Variants in FGF13 observed in about 807,000 individuals in gnomAD.
The protein encoded by FGF13 is fibroblast growth factor homologous factor 2.
Under a neutral mutation model 19.5 loss-of-function variants are expected in FGF13, and 2 were observed. That is an observed-to-expected ratio of 0.10 (90% CI 0.04 to 0.32). The LOEUF (loss-of-function observed/expected upper bound fraction) is 0.32. Among genes scored for constraint, FGF13 ranks in the 10% least tolerant of loss-of-function variants. The pLI, the probability that FGF13 is intolerant of heterozygous loss-of-function variation, is 1.00. For synonymous variants in FGF13, 72 were observed against 76.9 expected (o/e 0.94, Z 0.33); for missense variants, 113 against 192.7 (o/e 0.59, Z 2.45).
chrX:138,984,902 G>A (rs2091988621), intron 1 of FGF13: 1 of 275,100 alleles, frequency 3.6e-6, no homozygotes, highest in Admixed American at 4.7e-5. Flanking sequence ...TCATTAAAAT[G>A]AAAATACAAC....
At chrX:138,781,015 C>T in intron 3 of FGF13, among the ~76,000 whole-genome samples, 1 of 111,406 alleles carries the variant, frequency 9.0e-6, no homozygotes, top group East Asian at 2.8e-4. Flanking sequence ...AATAATCGCA[C>T]TCAAAACCGC....
intron 1 of FGF13, among the ~76,000 whole-genome samples, chrX:139,108,784 G>C (rs1041109116): frequency 9.1e-6 from 1 of 110,428 alleles, no homozygotes; most frequent in African/African-American, 3.3e-5. Flanking sequence ...CATCACCAAG[G>C]TATTATATTA....
At chrX:139,118,402 T>C (rs1425266169) in intron 1 of FGF13, among the ~76,000 whole-genome samples, 1 of 111,288 alleles carries the variant, frequency 9.0e-6, no homozygotes, top group Non-Finnish European at 1.9e-5. Context: ...AGTTGAAAAA[T>C]TGTAAGTCAA....
chrX:139,000,724 AG>A (rs1257104222), intron 1 of FGF13, among the ~76,000 whole-genome samples: 8 of 112,344 alleles, frequency 7.1e-5, no homozygotes, highest in African/African-American at 2.6e-4. Context: ...GCTCATGGAT[AG>A]GAAGAATCAA....
rs889015969 is a variant in FGF13, at chrX:138,938,768, G to A, written c.-112-74118C>T. On this transcript the variant is annotated intron_variant, in intron 1 of 2. Coordinates refer to the FGF13 transcript ENST00000421460. ...TTTTTAAATGAAACATCTAAATACA[G>A]ATTGCTCCCCAAGAGATGTTCTGAT... Among the ~76,000 whole-genome samples, 3 of 111,976 alleles carry A rather than the reference G, an allele frequency of 2.7e-5. No individual in the cohort carries two copies. The South Asian group carries it at 1.1e-3, about 41-fold the overall frequency.
chrX:138,692,257 T>C (rs2089845383), intron 3 of FGF13, among the ~76,000 whole-genome samples: 1 of 111,605 alleles, frequency 9.0e-6, no homozygotes, highest in Non-Finnish European at 1.9e-5. Context: ...AACATACTTT[T>C]GCTAGGCTGC....
chrX:139,088,182 G>A (rs988777568), intron 1 of FGF13, among the ~76,000 whole-genome samples: 1 of 112,035 alleles, frequency 8.9e-6, no homozygotes, highest in African/African-American at 3.2e-5. Context: ...CATTTGGAGC[G>A]AATGATCTGA....
chrX:138,830,687 T>TTGTGTGTGTGTGTGTG (rs144759178), intron 3 of FGF13, among the ~76,000 whole-genome samples: 2,537 of 87,460 alleles, frequency 0.029, 58 homozygotes, highest in Admixed American at 0.057. Flanking sequence ...AAAGGGGTGT[T>TTGTGTGTGTGTGTGTG]TGTGTGTGTG....
intron 1 of FGF13, among the ~76,000 whole-genome samples, chrX:138,948,813 G>A (rs1225723750): frequency 1.8e-5 from 2 of 111,754 alleles, no homozygotes; most frequent in Non-Finnish European, 3.8e-5. Flanking sequence ...AGCACATTTT[G>A]TTTTATTGTG....
chrX:139,013,573 G>A (rs745343664), intron 1 of FGF13, among the ~76,000 whole-genome samples: 20 of 98,009 alleles, frequency 2.0e-4, no homozygotes, highest in Non-Finnish European at 3.6e-4. Context: ...TGAAATATTG[G>A]CATTCACAGC....
At chrX:139,159,670 AAAC>A (rs1260016297) in intron 1 of FGF13, among the ~76,000 whole-genome samples, 1 of 109,500 alleles carries the variant, frequency 9.1e-6, no homozygotes, top group African/African-American at 3.3e-5. Context: ...AAAAAAAAAA[AAAC>A]AGTGTGGGTT....
chrX:139,089,131 A>C (rs2083423716), intron 1 of FGF13, among the ~76,000 whole-genome samples: 1 of 112,105 alleles, frequency 8.9e-6, no homozygotes. Flanking sequence ...ATTATGATAA[A>C]TCATGTGTGC....
Position 138,925,892 on chromosome X carries a change from A to C in FGF13, c.-112-61242T>G, listed in dbSNP as rs148844880. Among the ~76,000 whole-genome samples the C allele has an allele frequency of 7.5e-3, 842 of 111,882 alleles. 8 individuals are homozygous for C. Among genetic ancestry groups the C allele is most frequent in the African/African-American group, 0.026 (784 of 30,718 alleles). ...TGACACCACTGATCAAAGGGAAAAG[A>C]GGGCATGGAAGAGCTCAGATGTAGT... is the stretch of plus-strand genomic sequence containing the variant. On this transcript the variant is annotated intron_variant, in intron 1 of 2. Transcript: ENST00000421460.
rs750303029 is a variant in FGF13, at chrX:138,663,821, G to A, written c.403-28166C>T. 4.5e-5 allele frequency among the ~76,000 whole-genome samples: 5 copies of A among 111,534 alleles called. No individual in the cohort carries two copies. The South Asian group carries it at 1.5e-3, about 34-fold the overall frequency. On this transcript the variant is annotated intron_variant, in intron 3 of 4. Coordinates refer to ENST00000315930, the MANE Select transcript of FGF13 (RefSeq NM_004114.5). ...TTATAGGGTTGGGGTGTGTTTATAT[G>A]ATAAGAGAGAGAGGAGGGGGACCAT...
rs1025063503 is a variant in FGF13 at position 139,102,814 on chromosome X, G to A, written c.-113+100602C>T. Among the ~76,000 whole-genome samples, 3 of 112,601 alleles carry A rather than the reference G, an allele frequency of 2.7e-5. No individual in the cohort carries two copies. The South Asian group carries it at 1.1e-3, about 41-fold the overall frequency. On this transcript the variant is annotated intron_variant, in intron 1 of 2. Coordinates refer to the FGF13 transcript ENST00000421460. Reference sequence around the variant, plus strand: ...GGGAAGGGAGAGCTAGCTGAAGGCCGCAGCAACGTGGAAAGGCTCCATGGA... The same window carrying A: ...GGGAAGGGAGAGCTAGCTGAAGGCCACAGCAACGTGGAAAGGCTCCATGGA...
intron 1 of FGF13, among the ~76,000 whole-genome samples, chrX:139,150,662 T>G (rs1408675648): frequency 2.7e-5 from 3 of 112,088 alleles, no homozygotes; most frequent in Non-Finnish European, 3.8e-5. Flanking sequence ...CCTTTCTATG[T>G]GCCAGGCACT....
chrX:138,700,855 C>T (rs1014959118), intron 3 of FGF13, among the ~76,000 whole-genome samples: 2 of 111,649 alleles, frequency 1.8e-5, no homozygotes, highest in Non-Finnish European at 3.8e-5. Context: ...CCACCCATCA[C>T]GGAAAGGAAG....
At chrX:138,825,876 G>T (rs917606702) in intron 3 of FGF13, among the ~76,000 whole-genome samples, 5 of 111,069 alleles carry the variant, frequency 4.5e-5, no homozygotes, top group Admixed American at 9.6e-5. Flanking sequence ...CACTATACTT[G>T]GTTCTGTGGT....
intron 3 of FGF13, among the ~76,000 whole-genome samples, chrX:138,822,060 T>G (rs1445873350): frequency 5.4e-5 from 6 of 111,401 alleles, no homozygotes; most frequent in African/African-American, 2.0e-4. Flanking sequence ...AGAAGTGACC[T>G]AAAAGATCAA....
Sources: allele counts gnomAD v4.1 joint callset (sites outside exome capture counted in the v4.1 genomes callset), GRCh38; gene constraint gnomAD v4.1.1; transcripts MANE v1.5; gene names NCBI Gene and HGNC (gene_info 2026-07-23, HGNC 2026-07-21).